Variants in FKTN observed in about 807,000 individuals in gnomAD.
FKTN encodes fukutin.
A neutral mutation model predicts 58.6 loss-of-function variants in FKTN; 47 were observed. The ratio of observed to expected loss-of-function variants is 0.80; its 90% CI spans 0.63 to 1.02. FKTN has a LOEUF of 1.02. Among genes scored for constraint, FKTN ranks in the 50% least tolerant of loss-of-function variants. The pLI, the probability that FKTN is intolerant of heterozygous loss-of-function variation, is 0.00. For synonymous variants in FKTN, 178 were observed against 191.9 expected (o/e 0.93, Z 0.60); for missense variants, 516 against 537.3 (o/e 0.96, Z 0.39).
intron 8 of FKTN, among the ~76,000 whole-genome samples, chr9:105,616,700 G>T (rs549875359): frequency 6.6e-6 from 1 of 152,110 alleles, no homozygotes; most frequent in Non-Finnish European, 1.5e-5. Context: ...CCTTTATAGG[G>T]ATAGGGTTGC....
intron 10 of FKTN, among the ~76,000 whole-genome samples, chr9:105,632,914 A>G (rs2518105): frequency 0.95 from 144,651 of 152,284 alleles, 68,773 homozygotes; most frequent in East Asian, 1. Flanking sequence ...TTTAAAAGCC[A>G]AGGTAACATT....
chr9:105,626,742 G>A (rs995338764), intron 10 of FKTN, among the ~76,000 whole-genome samples: 2 of 152,056 alleles, frequency 1.3e-5, no homozygotes, highest in African/African-American at 2.4e-5. Flanking sequence ...TTTTACCAAC[G>A]CTTGGCATTG....
At chr9:105,581,443 G>A (rs1485761998) in intron 3 of FKTN, among the ~76,000 whole-genome samples, 1 of 149,520 alleles carries the variant, frequency 6.7e-6, no homozygotes, top group Admixed American at 6.6e-5. Context: ...GTGTCAGTGT[G>A]CCCCTGCTGC....
chr9:105,558,707 G>A (rs2518116), intron 1 of FKTN, among the ~76,000 whole-genome samples: 81,979 of 151,680 alleles, frequency 0.54, 22,387 homozygotes, highest in East Asian at 0.7. Context: ...GTTTCCAGTC[G>A]GTAAAAATCA....
At chr9:105,582,133 C>T (rs549383373) in intron 3 of FKTN, among the ~76,000 whole-genome samples, 31 of 152,322 alleles carry the variant, frequency 2.0e-4, no homozygotes, top group Non-Finnish European at 4.4e-4. Context: ...TCTTCTGCGT[C>T]GCTCATGCTG....
At chr9:105,604,882 G>A (rs1828587388) in intron 6 of FKTN, among the ~76,000 whole-genome samples, 1 of 151,868 alleles carries the variant, frequency 6.6e-6, no homozygotes, top group South Asian at 2.1e-4. Context: ...CTTGAGCCCT[G>A]GAGGTGGAGG....
Position 105,639,473 on chromosome 9 carries a change from T to A in FKTN, c.*4209T>A. On this transcript the variant is annotated 3_prime_UTR_variant, in exon 11 of 11. Transcript: ENST00000357998. ...TACTTCTAAGGGTTTTTAGGGGGATTAAATGAAGTATACAGTTCTTAGCCT... is the reference window on the plus strand; with the variant it reads ...TACTTCTAAGGGTTTTTAGGGGGATAAAATGAAGTATACAGTTCTTAGCCT... 1.5e-6 allele frequency: 1 copy of A among 665,720 alleles called. No homozygotes were observed. The highest frequency in any genetic ancestry group is 1.9e-6 in the Non-Finnish European group (1 of 538,458). 41.2% of individuals were successfully genotyped at this position (665,720 alleles called of 1,614,324 possible). A position where few individuals can be genotyped will look rare whatever the true frequency, so the allele number is the denominator to read the frequency against.
chr9:105,618,133 C>T, intron 9 of FKTN, 41 bp downstream of exon 9: 3 of 1,557,050 alleles, frequency 1.9e-6, no homozygotes, highest in Non-Finnish European at 2.7e-6. Context: ...AGTAACATAT[C>T]TCACTTGTAA....
At chr9:105,558,375 T>G (rs532228016) in intron 1 of FKTN, among the ~76,000 whole-genome samples, 14 of 152,262 alleles carry the variant, frequency 9.2e-5, no homozygotes, top group Admixed American at 2.0e-4. Context: ...GACTTCCACT[T>G]GGCCAGTCCT....
At chr9:105,582,205 T>C (rs1329910329) in intron 3 of FKTN, among the ~76,000 whole-genome samples, 2 of 152,156 alleles carry the variant, frequency 1.3e-5, no homozygotes, top group African/African-American at 2.4e-5. Context: ...AACTTTTCTT[T>C]TTTTAAGAGA....
rs1479461088 is a variant in FKTN at position 105,568,807 on chromosome 9, A to T, written c.-180-4848A>T. 3.3e-5 allele frequency among the ~76,000 whole-genome samples: 5 copies of T among 152,246 alleles called. No homozygotes were observed. In the East Asian group the frequency reaches 9.6e-4, roughly 29 times the overall value. On this transcript the variant is annotated intron_variant, in intron 1 of 10. Transcript: ENST00000357998. ...TTACTGGGTATATACCCAAAGGATT[A>T]TAAGTCATGCTGCTATAAAGACACA...
intron 1 of FKTN, among the ~76,000 whole-genome samples, chr9:105,559,256 A>G (rs1486316323): frequency 1.3e-5 from 2 of 152,206 alleles, no homozygotes; most frequent in Non-Finnish European, 2.9e-5. Flanking sequence ...TCTAGAGCCT[A>G]TTCTCCATAA....
chr9:105,614,966 C>G (rs1830553084), intron 7 of FKTN, among the ~76,000 whole-genome samples: 1 of 151,878 alleles, frequency 6.6e-6, no homozygotes, highest in Non-Finnish European at 1.5e-5. Flanking sequence ...TTACTGCAAC[C>G]TCCACCTCCC....
chr9:105,605,362 A>G (rs1466144052), intron 6 of FKTN, among the ~76,000 whole-genome samples: 1 of 152,184 alleles, frequency 6.6e-6, no homozygotes. Context: ...CCACTTTGAA[A>G]TTAAACCTCT....
chr9:105,589,343 C>A (rs1433311601), intron 3 of FKTN, among the ~76,000 whole-genome samples: 3 of 151,988 alleles, frequency 2.0e-5, no homozygotes, highest in South Asian at 4.1e-4. Flanking sequence ...ACCCCAAATA[C>A]CAAAATTAGC....
intron 8 of FKTN, 67 bp from the exon 9 acceptor site, chr9:105,617,891 TA>T: frequency 1.0e-6 from 1 of 982,868 alleles, no homozygotes; most frequent in Non-Finnish European, 1.5e-6. Context: ...GTTACAAATA[TA>T]ATTTGTTATA....
chr9:105,585,053 A>T (rs1036881365), intron 3 of FKTN, among the ~76,000 whole-genome samples: 1 of 152,124 alleles, frequency 6.6e-6, no homozygotes, highest in Non-Finnish European at 1.5e-5. Flanking sequence ...TGCTTCCTGT[A>T]TGTTATAGTG....
In FKTN at chr9:105,636,353, T is replaced by C; in HGVS notation, c.*1089T>C. 2 of 983,034 alleles carry C rather than the reference T, an allele frequency of 2.0e-6. No individual in the cohort carries two copies. Among genetic ancestry groups the C allele is most frequent in the South Asian group, 9.4e-5 (2 of 21,248 alleles). 60.9% of individuals were successfully genotyped at this position (983,034 alleles called of 1,614,324 possible). On this transcript the variant is annotated 3_prime_UTR_variant, in exon 11 of 11. Transcript: ENST00000357998. ...GCCTGTTTCTTCTCCTCTTCTAATA[T>C]ATCAGATCTCCAAAATGGAAGCTAA...
At chr9:105,586,517 A>G (rs187345272) in intron 3 of FKTN, among the ~76,000 whole-genome samples, 5 of 152,292 alleles carry the variant, frequency 3.3e-5, no homozygotes, top group Admixed American at 2.6e-4. Context: ...GTATTTATTG[A>G]TCACTCGTCT....
Sources: allele counts gnomAD v4.1 joint callset (sites outside exome capture counted in the v4.1 genomes callset), GRCh38; gene constraint gnomAD v4.1.1; transcripts MANE v1.5; gene names NCBI Gene and HGNC (gene_info 2026-07-23, HGNC 2026-07-21).